The following ZZEF1 variants were observed in gnomAD, a reference collection of about 807,000 sequenced individuals.
ZZEF1 encodes the protein zinc finger ZZ-type and EF-hand domain-containing protein 1.
ZZEF1 carries 157 observed loss-of-function variants against 342.8 expected under a neutral mutation model. That is an observed-to-expected ratio of 0.46 (90% CI 0.40 to 0.52). The LOEUF (loss-of-function observed/expected upper bound fraction) is 0.52, where lower values mean the gene tolerates loss of function less well. Ranked by LOEUF, ZZEF1 falls within the 20% of genes least tolerant of loss-of-function variation. The pLI is 0.00. For missense variants in ZZEF1, 3,480 were observed against 3,725.6 expected (o/e 0.93, Z 1.72); for synonymous variants, 1,505 against 1,429.1 (o/e 1.05, Z -1.20).
intron 42 of ZZEF1, among the ~76,000 whole-genome samples, chr17:4,030,800 C>G (rs918788959): frequency 6.6e-6 from 1 of 152,114 alleles, no homozygotes; most frequent in Non-Finnish European, 1.5e-5. Flanking sequence ...AAAACTTACA[C>G]AAAAAGACAA....
rs369164186 is a variant in ZZEF1, at chr17:4,058,076, C to A, written c.5083G>T (p.Ala1695Ser). The change falls in exon 32 of 55, where the codon GCC (alanine) becomes TCC (serine). Residue 1695 changes from alanine (A) to serine (S), a missense_variant. Physicochemically the swap from Ala to Ser is moderately conservative, Grantham distance 99. Coordinates refer to ENST00000381638, the MANE Select transcript of ZZEF1 (RefSeq NM_015113.4). The stretch of plus-strand genomic sequence containing the variant: ...GGTAACTGAATATCAACAAAGAAGG[C>A]GAGATCATTGGGTTCCCAGCCCATA... ...LDMGWEPNDL[A>S]FFVDIQLPDL... The A allele has an allele frequency of 1.2e-6, 2 of 1,613,996 alleles. No homozygotes were observed. Among genetic ancestry groups the A allele is most frequent in the East Asian group, 2.2e-5 (1 of 44,878 alleles).
intron 52 of ZZEF1, among the ~76,000 whole-genome samples, chr17:4,011,878 C>T (rs1015314959): frequency 6.6e-6 from 1 of 152,152 alleles, no homozygotes; most frequent in East Asian, 1.9e-4. Context: ...GTACAATGTA[C>T]CTGCGAGCTG....
intron 5 of ZZEF1, among the ~76,000 whole-genome samples, chr17:4,110,734 G>C (rs921637396): frequency 3.7e-4 from 45 of 122,842 alleles, no homozygotes; most frequent in Non-Finnish European, 9.8e-5. Context: ...TTTTTGAGAT[G>C]GAGTCTTGCT....
At chr17:4,140,880 A>T (rs562995707) in intron 1 of ZZEF1, among the ~76,000 whole-genome samples, 1 of 151,568 alleles carries the variant, frequency 6.6e-6, no homozygotes, top group African/African-American at 2.4e-5. Context: ...GGGGGGAAAA[A>T]AAAAGGAGAT....
At chr17:4,081,623 A>G in intron 17 of ZZEF1, 133 bp from the exon 18 acceptor site, 1 of 721,824 alleles carries the variant, frequency 1.4e-6, no homozygotes, top group Non-Finnish European at 2.3e-6. Context: ...TTGGGTCAGG[A>G]ATACAGGCTG....
chr17:4,102,708 T>C (rs143383901), intron 8 of ZZEF1, among the ~76,000 whole-genome samples: 1 of 152,166 alleles, frequency 6.6e-6, no homozygotes, highest in South Asian at 2.1e-4. Flanking sequence ...ATAACATAGA[T>C]TGAACACATT....
At chr17:4,139,158 T>C (rs2058801236) in intron 1 of ZZEF1, among the ~76,000 whole-genome samples, 1 of 140,888 alleles carries the variant, frequency 7.1e-6, no homozygotes, top group Non-Finnish European at 1.5e-5. Flanking sequence ...ACACCTACCA[T>C]GAGAAAAGGT....
At position 4,087,516 on chromosome 17, in the gene ZZEF1, C is replaced by A; in HGVS notation, c.2260G>T (p.Gly754Cys). 2 of 1,608,660 alleles carry A rather than the reference C, an allele frequency of 1.2e-6. No homozygotes were observed. The highest frequency in any genetic ancestry group is 1.3e-5 in the African/African-American group (1 of 74,720). ...AHDLVQQKES[G>C]LKYKSFLDFA... The stretch of plus-strand genomic sequence containing the variant: ...TCCAGAAAAGATTTATATTTTAAGC[C>A]ACTTTCCTTCTGCTGCACCTAAAAA... Residue 754 changes from glycine to cysteine, a missense_variant, in exon 14 of 55, where the codon GGC (glycine) becomes TGC (cysteine). Gly to Cys is a radical substitution (Grantham distance 159). Around this residue, in one of 5 missense-constraint regions of ZZEF1, gnomAD observed 1,528 missense variants for 1,624.1 expected, o/e 0.94. Transcript: ENST00000381638.
At chr17:4,105,875 T>G in intron 6 of ZZEF1, 66 bp from the exon 7 acceptor site, 1 of 1,321,188 alleles carries the variant, frequency 7.6e-7, no homozygotes, top group Non-Finnish European at 1.1e-6. Flanking sequence ...AAAAATAAAC[T>G]GTTAGAAGCT....
In ZZEF1 at chr17:4,064,655, G is replaced by A; in HGVS notation, c.4424C>T (p.Ser1475Phe). ...GGCAGGGGGTGCGGCTTCAGTGGGAGATACTGAGGCTTGGAAATGCTCTTC... is the reference window on the plus strand; with the variant it reads ...GGCAGGGGGTGCGGCTTCAGTGGGAAATACTGAGGCTTGGAAATGCTCTTC... ...VVEEHFQASV[S>F]PTEAAPPATG... The change falls in exon 29 of 55, where the codon TCT becomes TTT. Residue 1475 changes from serine to phenylalanine, a missense_variant. Transcript: ENST00000381638. 6.2e-7 allele frequency: 1 copy of A among 1,614,210 alleles called. No homozygotes were observed. Among genetic ancestry groups the A allele is most frequent in the Non-Finnish European group, 8.5e-7 (1 of 1,180,036 alleles).
chr17:4,064,609 G>A lies in ZZEF1; in HGVS notation c.4470C>T (p.Gly1490=). 1.2e-6 allele frequency: 2 copies of A among 1,614,150 alleles called. No individual in the cohort carries two copies. Among genetic ancestry groups the A allele is most frequent in the East Asian group, 2.2e-5 (1 of 44,888 alleles). ...ATGGCAGCTTTGGCTGGGTGCCCAG[G>A]CCAGGACTCTGGTCTCCTGTGGCAG... The part of the protein sequence containing the change: ...APPATGDQSP[G]LGTQPKLPSS... Residue 1490 remains glycine (G), a synonymous_variant, in exon 29 of 55, where the codon GGC becomes GGT. Transcript: ENST00000381638.
chr17:4,007,061 G>A (rs1567753545), intron 54 of ZZEF1, 91 bp from the exon 55 acceptor site: 2 of 1,203,794 alleles, frequency 1.7e-6, no homozygotes, highest in South Asian at 1.5e-5. Context: ...CACTGAGGAT[G>A]TGGGGACGGA....
chr17:4,080,150 T>C lies in ZZEF1; in HGVS notation c.2829+1226A>G, dbSNP rs145990773. On this transcript the variant is annotated intron_variant, in intron 18 of 54. Transcript: ENST00000381638. The stretch of plus-strand genomic sequence containing the variant: ...GCTTAGGGTGGGATCTAGAAATCTT[T>C]TTTCTGTCAAATATCCCAAGTGACT... Among the ~76,000 whole-genome samples, 1,110 of 152,260 alleles carry C rather than the reference T, an allele frequency of 7.3e-3. 12 individuals carry two copies. Among genetic ancestry groups the C allele is most frequent in the Admixed American group, 0.011 (173 of 15,300 alleles).
intron 39 of ZZEF1, among the ~76,000 whole-genome samples, chr17:4,035,673 C>T (rs948150600): frequency 2.6e-5 from 4 of 152,172 alleles, no homozygotes; most frequent in South Asian, 2.1e-4. Flanking sequence ...GGCATCTGCG[C>T]GGGGAGTTCA....
intron 52 of ZZEF1, among the ~76,000 whole-genome samples, chr17:4,011,507 G>A (rs576979939): frequency 4.6e-5 from 7 of 151,964 alleles, no homozygotes; most frequent in Admixed American, 6.5e-5. Flanking sequence ...TTTTCCCTAA[G>A]TAAAGCAGAG....
In ZZEF1 at chr17:4,008,853, G is replaced by A; in HGVS notation, c.8805+30C>T. The A allele has an allele frequency of 1.3e-6, 2 of 1,543,290 alleles. No individual in the cohort carries two copies. Among genetic ancestry groups the A allele is most frequent in the Non-Finnish European group, 1.7e-6 (2 of 1,146,776 alleles). ...GTGAGATGGTGGCGCCCCAGCCTGG[G>A]GGCCAGCTCTGTTGGGGTGGAGAGA... On this transcript the variant is annotated intron_variant, in intron 54 of 54. Coordinates refer to ENST00000381638, the MANE Select transcript of ZZEF1 (RefSeq NM_015113.4). This position sits in a 1 kb window ranked among gnomAD's most constrained non-coding sequence, Gnocchi z 4.2.
chr17:4,084,757 TA>T (rs1373687944), intron 16 of ZZEF1, among the ~76,000 whole-genome samples: 1 of 152,206 alleles, frequency 6.6e-6, no homozygotes, highest in African/African-American at 2.4e-5. Flanking sequence ...CCCCAGCTAC[TA>T]ATGTCTGAGG....
chr17:4,051,856 G>A (rs2057054111), intron 35 of ZZEF1, 115 bp downstream of exon 35: 1 of 1,105,978 alleles, frequency 9.0e-7, no homozygotes, highest in Non-Finnish European at 1.3e-6. Flanking sequence ...TTTACTTTTG[G>A]TTATGTTTAA....
chr17:4,016,449 G>C lies in ZZEF1; in HGVS notation c.8019C>G (p.Leu2673=). Residue 2673 remains leucine (L), a synonymous_variant, in exon 49 of 55, where the codon CTC becomes CTG. Coordinates refer to ENST00000381638, the MANE Select transcript of ZZEF1 (RefSeq NM_015113.4). The surrounding 1 kb of genome is among the most constrained non-coding windows in gnomAD (Gnocchi z 4.4). ...CCAGCATGTCCTCTCGGCAGCCCTG[G>C]AGCACTTTCTGCAGGATCTGGTGGG... ...HEWEKILQKV[L]QGCREDMLGT... is the part of the protein sequence containing the mutation. The C allele has an allele frequency of 6.2e-7, 1 of 1,611,370 alleles. No individual in the cohort carries two copies. The highest frequency in any genetic ancestry group is 8.5e-7 in the Non-Finnish European group (1 of 1,179,404).
Sources: allele counts gnomAD v4.1 joint callset (sites outside exome capture counted in the v4.1 genomes callset), GRCh38; gene constraint gnomAD v4.1.1; regional missense constraint gnomAD v4.1.1; non-coding constraint Gnocchi (gnomAD v3.1); transcripts MANE v1.5; gene names NCBI Gene and HGNC (gene_info 2026-07-23, HGNC 2026-07-21).